TNS3: variants seen among roughly 807,000 people sequenced by gnomAD.
The protein encoded by TNS3 is tensin 3.
Under a neutral mutation model 140.9 loss-of-function variants are expected in TNS3, and 45 were observed. That is an observed-to-expected ratio of 0.32 (90% CI 0.25 to 0.41). TNS3 has a LOEUF of 0.41. TNS3 is among the 10% of genes least tolerant of loss of function. TNS3 has a pLI of 1.00. For missense variants in TNS3, 1,716 were observed against 1,906.7 expected (o/e 0.90, Z 1.86); for synonymous variants, 815 against 788.4 (o/e 1.03, Z -0.56).
At chr7:47,581,311 G>T (rs1052599852) in intron 1 of TNS3, 8 of 151,670 alleles carry the variant, frequency 5.3e-5, no homozygotes, top group African/African-American at 1.9e-4. Context: ...CCCAGCCTGG[G>T]ACAGCACCCC....
chr7:47,409,407 T>C (rs1015408081), intron 13 of TNS3, among the ~76,000 whole-genome samples: 9 of 151,646 alleles, frequency 5.9e-5, no homozygotes, highest in African/African-American at 1.7e-4. Flanking sequence ...CCCATGCTCT[T>C]GGTGGGCGGT....
intron 18 of TNS3, among the ~76,000 whole-genome samples, chr7:47,345,342 T>C (rs564558215): frequency 1.3e-5 from 2 of 152,312 alleles, no homozygotes; most frequent in African/African-American, 2.4e-5. Flanking sequence ...TACAGGTAAA[T>C]GAGTATCTCA....
intron 2 of TNS3, among the ~76,000 whole-genome samples, chr7:47,526,672 T>C (rs1396670542): frequency 1.3e-5 from 2 of 152,152 alleles, no homozygotes; most frequent in Non-Finnish European, 2.9e-5. Flanking sequence ...GCTGTGCAAC[T>C]TTGCCTGGGA....
chr7:47,450,307 G>A (rs1009594748), intron 4 of TNS3, among the ~76,000 whole-genome samples: 17 of 152,202 alleles, frequency 1.1e-4, no homozygotes, highest in African/African-American at 2.9e-4. Context: ...CCTTCCCAAG[G>A]TCATAACATG....
intron 20 of TNS3, among the ~76,000 whole-genome samples, chr7:47,340,299 T>A (rs1788925160): frequency 6.6e-6 from 1 of 150,510 alleles, no homozygotes; most frequent in Admixed American, 6.6e-5. Context: ...ATTTTTGTAT[T>A]TTGAGTACAG....
Position 47,312,477 on chromosome 7 carries a change from C to T in TNS3, c.2651-7474G>A, listed in dbSNP as rs565593573. 6.9e-4 allele frequency among the ~76,000 whole-genome samples: 105 copies of T among 151,798 alleles called. 1 individual carries two copies. The highest frequency in any genetic ancestry group is 1.2e-3 in the Admixed American group (18 of 15,254). On this transcript the variant is annotated intron_variant, in intron 20 of 30. Coordinates refer to ENST00000311160, the MANE Select transcript of TNS3 (RefSeq NM_022748.12). The stretch of plus-strand genomic sequence containing the variant: ...CCAGCACTTTGGGAGGCGAGGCAGG[C>T]GGATCACCTGAGGTTAGAAGTTCAA...
At chr7:47,336,813 G>A (rs1440789981) in intron 20 of TNS3, among the ~76,000 whole-genome samples, 2 of 152,190 alleles carry the variant, frequency 1.3e-5, no homozygotes, top group African/African-American at 4.8e-5. Context: ...GAGAAACACA[G>A]AGAAGCGTGC....
chr7:47,570,807 T>G (rs1017902736), intron 1 of TNS3, among the ~76,000 whole-genome samples: 4 of 152,150 alleles, frequency 2.6e-5, no homozygotes, highest in East Asian at 1.9e-4. Context: ...TCTAAAGCTC[T>G]TATCATTTTT....
chr7:47,582,128 C>G (rs1448355361), upstream of TNS3: 1 of 151,618 alleles, frequency 6.6e-6, no homozygotes, highest in Non-Finnish European at 1.5e-5. Context: ...CGGGCGGGCC[C>G]GTCCTCCTGG....
chr7:47,575,826 A>C, intron 1 of TNS3, among the ~76,000 whole-genome samples: 1 of 149,352 alleles, frequency 6.7e-6, no homozygotes, highest in Admixed American at 6.6e-5. Context: ...CTGCCTCAAA[A>C]AAAAAAAAAA....
chr7:47,361,985 T>C (rs1374089557), intron 17 of TNS3, among the ~76,000 whole-genome samples: 4 of 152,246 alleles, frequency 2.6e-5, no homozygotes, highest in Non-Finnish European at 5.9e-5. Context: ...GAGTCATTTC[T>C]TTTGTTACTG....
chr7:47,328,263 C>CT (rs1788138209), intron 20 of TNS3, among the ~76,000 whole-genome samples: 2 of 152,232 alleles, frequency 1.3e-5, no homozygotes, highest in Non-Finnish European at 1.5e-5. Context: ...TGTTGAGCTG[C>CT]TGCTGGCTGT....
chr7:47,368,637 G>A lies in TNS3; in HGVS notation c.2009C>T (p.Pro670Leu), dbSNP rs1481587680. 6.2e-7 allele frequency: 1 copy of A among 1,600,384 alleles called. No individual in the cohort carries two copies. ...GGCTCCATTCACAACCTGGTCTCCT[G>A]GAAACCTGGGTTTGAACGCTTTGCT... ...SPSKAFKPRF[P>L]GDQVVNGAGP... Residue 670 changes from proline to leucine, a missense_variant, in exon 17 of 31, where the codon CCA becomes CTA. This residue lies in a region of TNS3 where 1,163 missense variants were observed against 1,182.1 expected (regional missense o/e 0.98). Coordinates refer to ENST00000311160, the MANE Select transcript of TNS3 (RefSeq NM_022748.12).
intron 23 of TNS3, among the ~76,000 whole-genome samples, chr7:47,299,165 T>TC (rs1786235970): frequency 6.6e-6 from 1 of 152,360 alleles, no homozygotes; most frequent in African/African-American, 2.4e-5. Flanking sequence ...AGATAGGCTC[T>TC]CTCACTCTGT....
intron 1 of TNS3, among the ~76,000 whole-genome samples, chr7:47,564,424 C>T (rs1168598150): frequency 6.6e-6 from 1 of 151,586 alleles, no homozygotes; most frequent in Non-Finnish European, 1.5e-5. Flanking sequence ...GATCAGGAGG[C>T]CAGGAGTTCA....
chr7:47,374,700 T>C (rs1791274456), intron 16 of TNS3, among the ~76,000 whole-genome samples: 1 of 152,214 alleles, frequency 6.6e-6, no homozygotes, highest in Non-Finnish European at 1.5e-5. Context: ...AAGGCGCTGA[T>C]CCATCATTAA....
chr7:47,351,043 A>G (rs67578562), intron 17 of TNS3, among the ~76,000 whole-genome samples: 17,176 of 152,196 alleles, frequency 0.11, 1,056 homozygotes, highest in East Asian at 0.18. Flanking sequence ...AAATGTTTCT[A>G]TCTTTCAGGG....
At chr7:47,444,057 T>C (rs762942910) in intron 4 of TNS3, among the ~76,000 whole-genome samples, 2 of 152,260 alleles carry the variant, frequency 1.3e-5, no homozygotes, top group Non-Finnish European at 2.9e-5. Context: ...AATCTGTACA[T>C]GTAACACTCA....
At chr7:47,532,882 TTA>T (rs1173132389) in intron 1 of TNS3, among the ~76,000 whole-genome samples, 1 of 151,816 alleles carries the variant, frequency 6.6e-6, no homozygotes, top group Non-Finnish European at 1.5e-5. Context: ...AAATCATGAA[TTA>T]TAGGTAATAA....
Sources: gnomAD v4.1 joint callset for allele counts (sites outside exome capture counted in the v4.1 genomes callset) on GRCh38, gnomAD v4.1.1 for gene constraint, gnomAD v4.1.1 regional missense constraint, MANE v1.5 for transcripts, NCBI Gene and HGNC (gene_info 2026-07-23, HGNC 2026-07-21) for gene names.